The following CSMD1 variants were observed in gnomAD, a reference collection of about 807,000 sequenced individuals.
CSMD1 encodes the protein CUB and Sushi multiple domains 1.
CSMD1 carries 213 observed loss-of-function variants against 417.5 expected under a neutral mutation model. That is an observed-to-expected ratio of 0.51 (90% CI 0.46 to 0.57). The LOEUF is 0.57. Ranked by LOEUF, CSMD1 falls within the 20% of genes least tolerant of loss-of-function variation. The pLI, the probability that CSMD1 is intolerant of heterozygous loss-of-function variation, is 0.00. For synonymous variants in CSMD1, 2,862 were observed against 1,736.8 expected, an observed-to-expected ratio of 1.65 and a Z score of -16.11; for missense variants, 6,923 against 4,529.7, an observed-to-expected ratio of 1.53 and a Z score of -15.17.
intron 5 of CSMD1, among the ~76,000 whole-genome samples, chr8:3,935,684 C>T (rs1012460754): frequency 6.6e-6 from 1 of 152,138 alleles, no homozygotes; most frequent in Non-Finnish European, 1.5e-5. Context: ...GTTCTGACTG[C>T]TCCACTGACT....
chr8:3,693,248 A>T (rs1800353748), intron 7 of CSMD1, among the ~76,000 whole-genome samples: 2 of 152,230 alleles, frequency 1.3e-5, no homozygotes, highest in Admixed American at 1.3e-4. Flanking sequence ...TGTTCTGGGT[A>T]TATAACCAAG....
intron 3 of CSMD1, among the ~76,000 whole-genome samples, chr8:4,237,476 G>A (rs1471011577): frequency 1.3e-5 from 2 of 151,966 alleles, no homozygotes; most frequent in African/African-American, 4.8e-5. Flanking sequence ...GAGGAATAAG[G>A]TAATATGGCT....
chr8:4,462,703 G>C (rs867377408), intron 2 of CSMD1, among the ~76,000 whole-genome samples: 17 of 152,216 alleles, frequency 1.1e-4, no homozygotes, highest in Middle Eastern at 3.4e-3. Context: ...CCGTCAATTT[G>C]ATTTTTGACA....
intron 7 of CSMD1, among the ~76,000 whole-genome samples, chr8:3,643,585 C>T (rs1363535666): frequency 6.6e-6 from 1 of 151,446 alleles, no homozygotes. Context: ...CCTGTAGTCC[C>T]AACTACCCGG....
intron 1 of CSMD1, among the ~76,000 whole-genome samples, chr8:4,674,979 C>T (rs1805583650): frequency 6.6e-6 from 1 of 152,134 alleles, no homozygotes; most frequent in Non-Finnish European, 1.5e-5. Flanking sequence ...GGTGAGGAGG[C>T]AGCTGTCTCC....
At chr8:4,100,069 G>T (rs1282507294) in intron 3 of CSMD1, among the ~76,000 whole-genome samples, 1 of 152,090 alleles carries the variant, frequency 6.6e-6, no homozygotes, top group Non-Finnish European at 1.5e-5. Flanking sequence ...TAGAATCCAA[G>T]AAATTTGGGT....
intron 3 of CSMD1, among the ~76,000 whole-genome samples, chr8:4,038,852 G>C (rs924201421): frequency 1.3e-5 from 2 of 152,122 alleles, no homozygotes; most frequent in Non-Finnish European, 2.9e-5. Flanking sequence ...TTGTACATCA[G>C]GGCTTGAAAC....
At chr8:3,936,420 A>G (rs1425393430) in intron 5 of CSMD1, among the ~76,000 whole-genome samples, 1 of 152,178 alleles carries the variant, frequency 6.6e-6, no homozygotes, top group East Asian at 1.9e-4. Flanking sequence ...GCTTCAGAAG[A>G]CAGGCTGACT....
At chr8:4,142,654 A>G (rs1276570812) in intron 3 of CSMD1, among the ~76,000 whole-genome samples, 5 of 151,120 alleles carry the variant, frequency 3.3e-5, no homozygotes, top group Non-Finnish European at 2.9e-5. Flanking sequence ...GAAAACAGTA[A>G]CTGATTCTGG....
chr8:3,542,717 G>C (rs1798491842), intron 10 of CSMD1, among the ~76,000 whole-genome samples: 1 of 152,170 alleles, frequency 6.6e-6, no homozygotes, highest in Non-Finnish European at 1.5e-5. Flanking sequence ...AATGTGCTGG[G>C]GATGCTGTAG....
intron 3 of CSMD1, among the ~76,000 whole-genome samples, chr8:4,393,642 A>T (rs1210539973): frequency 6.6e-6 from 1 of 152,180 alleles, no homozygotes; most frequent in East Asian, 1.9e-4. Context: ...TGTTGAAAAG[A>T]CGTGAGCACT....
chr8:4,464,137 T>A (rs1800006706), intron 2 of CSMD1, among the ~76,000 whole-genome samples: 1 of 147,246 alleles, frequency 6.8e-6, no homozygotes, highest in South Asian at 2.1e-4. Context: ...GTCGAAGGCT[T>A]ATCCCTCCAG....
chr8:4,078,975 T>A (rs1262741833), intron 3 of CSMD1, among the ~76,000 whole-genome samples: 2 of 147,282 alleles, frequency 1.4e-5, no homozygotes, highest in African/African-American at 5.1e-5. Flanking sequence ...CTTCACTTTT[T>A]CCCACAATGT....
intron 3 of CSMD1, among the ~76,000 whole-genome samples, chr8:4,225,354 G>T (rs1007814550): frequency 2.6e-5 from 4 of 152,042 alleles, no homozygotes; most frequent in African/African-American, 9.7e-5. Context: ...CCTAAAATAT[G>T]TAATTAACAA....
chr8:4,821,583 T>C (rs1238301220), intron 1 of CSMD1, among the ~76,000 whole-genome samples: 1 of 152,128 alleles, frequency 6.6e-6, no homozygotes, highest in Non-Finnish European at 1.5e-5. Flanking sequence ...ATCAGGGCTC[T>C]TCCTACAGAG....
At chr8:4,094,469 A>G (rs1175185795) in intron 3 of CSMD1, among the ~76,000 whole-genome samples, 23 of 152,154 alleles carry the variant, frequency 1.5e-4, no homozygotes, top group Admixed American at 1.5e-3. Flanking sequence ...GGAATCGAAG[A>G]TGATGCCTGG....
intron 10 of CSMD1, among the ~76,000 whole-genome samples, chr8:3,539,696 T>A (rs1243053500): frequency 6.7e-6 from 1 of 149,030 alleles, no homozygotes; most frequent in Non-Finnish European, 1.5e-5. Context: ...AAGTGTGGGA[T>A]AACAGTGTTT....
intron 3 of CSMD1, among the ~76,000 whole-genome samples, chr8:4,040,162 T>G (rs1005553251): frequency 1.3e-5 from 2 of 152,200 alleles, no homozygotes; most frequent in African/African-American, 4.8e-5. Flanking sequence ...ATTAATGAAA[T>G]GCTAGCATAG....
chr8:3,805,326 G>A (rs915554629), intron 5 of CSMD1, among the ~76,000 whole-genome samples: 5 of 152,150 alleles, frequency 3.3e-5, no homozygotes, highest in African/African-American at 1.2e-4. Context: ...TCAAAGGCAA[G>A]AAGCTACAAC....
Sources: gnomAD v4.1 joint callset for allele counts (sites outside exome capture counted in the v4.1 genomes callset) on GRCh38, gnomAD v4.1.1 for gene constraint, MANE v1.5 for transcripts, NCBI Gene and HGNC (gene_info 2026-07-23, HGNC 2026-07-21) for gene names.